DLGAP5: variants seen among roughly 807,000 people sequenced by gnomAD.
The protein encoded by DLGAP5 is disks large-associated protein 5.
A neutral mutation model predicts 99.6 loss-of-function variants in DLGAP5; 90 were observed. The observed-to-expected ratio is 0.90, with a 90% CI of 0.76 to 1.08. DLGAP5 has a LOEUF of 1.08. DLGAP5 is among the 50% of genes least tolerant of loss of function. The pLI, the probability that DLGAP5 is intolerant of heterozygous loss-of-function variation, is 0.00. For missense variants in DLGAP5, 1,036 were observed against 983.5 expected (o/e 1.05, Z -0.71); for synonymous variants, 311 against 321.3 (o/e 0.97, Z 0.34).
At position 55,148,313 on chromosome 14, in the gene DLGAP5, G is replaced by T; in HGVS notation, c.*38C>A. On this transcript the variant is annotated 3_prime_UTR_variant, in exon 19 of 19. Coordinates refer to ENST00000247191, the MANE Select transcript of DLGAP5 (RefSeq NM_014750.5). Reference sequence around the variant, plus strand: ...ATAGTCTAAGGAATATATAAGCATTGATAATATGAAGGAAAATGTTTGGAT... The same window carrying T: ...ATAGTCTAAGGAATATATAAGCATTTATAATATGAAGGAAAATGTTTGGAT... 1 of 1,602,428 alleles carries T rather than the reference G, an allele frequency of 6.2e-7. No homozygotes were observed. The highest frequency in any genetic ancestry group is 1.1e-5 in the South Asian group (1 of 90,210).
At chr14:55,151,625 A>G in intron 17 of DLGAP5, 70 bp downstream of exon 17, 1 of 1,476,356 alleles carries the variant, frequency 6.8e-7, no homozygotes, top group East Asian at 2.3e-5. Flanking sequence ...ACCTTATAGG[A>G]TAATTTATAC....
intron 18 of DLGAP5, among the ~76,000 whole-genome samples, chr14:55,149,064 T>C (rs182989830): frequency 7.9e-5 from 12 of 152,280 alleles, no homozygotes; most frequent in African/African-American, 2.6e-4. Flanking sequence ...GGGTCTAAAA[T>C]AGACATCTAA....
intron 14 of DLGAP5, among the ~76,000 whole-genome samples, chr14:55,155,349 G>T (rs1196284869): frequency 7.9e-4 from 114 of 144,502 alleles, no homozygotes; most frequent in African/African-American, 2.8e-3. Flanking sequence ...CTTTTTTTTT[G>T]TTTTTGTTTT....
chr14:55,179,617 TTTA>T lies in DLGAP5; in HGVS notation c.774+9_774+11del, dbSNP rs1330894080. ...CAAAGCATCTAGAATTAAAAAGATGTTTATTCTCTACCTTGTCGGGTTTTGTTT... is the reference window on the plus strand; with the variant it reads ...CAAAGCATCTAGAATTAAAAAGATGTTTCTCTACCTTGTCGGGTTTTGTTT... On this transcript the variant is annotated intron_variant, in intron 7 of 18. Transcript: ENST00000247191. The T allele has an allele frequency of 6.2e-7, 1 of 1,603,610 alleles. No individual in the cohort carries two copies. The highest frequency in any genetic ancestry group is 2.2e-5 in the East Asian group (1 of 44,694).
rs1881893427 is a variant in DLGAP5, at chr14:55,148,335, G to C, written c.*16C>G. The stretch of plus-strand genomic sequence containing the variant: ...ATTGATAATATGAAGGAAAATGTTT[G>C]GATTTATTTTTAAATTCAAAATTCT... On this transcript the variant is annotated 3_prime_UTR_variant, in exon 19 of 19. Transcript: ENST00000247191. The C allele has an allele frequency of 1.9e-6, 3 of 1,611,022 alleles. No homozygotes were observed. The highest frequency in any genetic ancestry group is 2.5e-6 in the Non-Finnish European group (3 of 1,178,532).
chr14:55,171,467 T>G (rs564428256), intron 10 of DLGAP5, among the ~76,000 whole-genome samples: 1 of 152,332 alleles, frequency 6.6e-6, no homozygotes, highest in South Asian at 2.1e-4. Flanking sequence ...TTTGTGTCTA[T>G]GGAAAAAGTA....
chr14:55,158,683 G>C lies in DLGAP5; in HGVS notation c.1712C>G (p.Ala571Gly). Reference sequence around the variant, plus strand: ...TATGGCAGCTAGGCGATTTCTCGCTGCAATTCTTCCAGCATCATCCTGTTT... The same window carrying C: ...TATGGCAGCTAGGCGATTTCTCGCTCCAATTCTTCCAGCATCATCCTGTTT... ...KPKQDDAGRI[A>G]ARNRLAAIKN... The change falls in exon 14 of 19, where the codon GCA (alanine) becomes GGA (glycine). Residue 571 changes from alanine (A) to glycine (G), a missense_variant. Physicochemically the swap from Ala to Gly is moderately conservative, Grantham distance 60 (BLOSUM62 0). Transcript: ENST00000247191. 6.2e-7 allele frequency: 1 copy of C among 1,613,990 alleles called. No homozygotes were observed. Among genetic ancestry groups the C allele is most frequent in the African/African-American group, 1.3e-5 (1 of 74,998 alleles).
chr14:55,170,561 C>T, intron 11 of DLGAP5, 141 bp downstream of exon 11: 1 of 639,144 alleles, frequency 1.6e-6, no homozygotes, highest in Non-Finnish European at 2.6e-6. Flanking sequence ...TTGTAGACAT[C>T]AAGTTAAAAA....
intron 2 of DLGAP5, among the ~76,000 whole-genome samples, chr14:55,187,992 G>A (rs1293720786): frequency 6.6e-6 from 1 of 151,998 alleles, no homozygotes; most frequent in African/African-American, 2.4e-5. Flanking sequence ...CTTTGCAAAC[G>A]GGAAATAAAG....
At chr14:55,175,322 T>TA (rs759872443) in intron 10 of DLGAP5, 24 bp downstream of exon 10, 4 of 1,594,276 alleles carry the variant, frequency 2.5e-6, no homozygotes, top group East Asian at 4.6e-5. Flanking sequence ...ACAAAATTCT[T>TA]ACACTAGAAA....
intron 7 of DLGAP5, among the ~76,000 whole-genome samples, chr14:55,177,561 G>A (rs1883120536): frequency 6.7e-6 from 1 of 148,858 alleles, no homozygotes; most frequent in Admixed American, 6.7e-5. Context: ...TTTTTGATAC[G>A]GAGTAGCCCT....
At chr14:55,158,260 T>C (rs769759338) in intron 14 of DLGAP5, among the ~76,000 whole-genome samples, 11 of 152,206 alleles carry the variant, frequency 7.2e-5, no homozygotes, top group Non-Finnish European at 1.2e-4. Context: ...GTAATTACAT[T>C]ACAGATGTGA....
chr14:55,161,445 C>T (rs10438127), intron 13 of DLGAP5, among the ~76,000 whole-genome samples: 3,372 of 137,262 alleles, frequency 0.025, 141 homozygotes, highest in African/African-American at 0.088. Context: ...GAGTTTTGCT[C>T]GTTGCCCAGG....
intron 13 of DLGAP5, among the ~76,000 whole-genome samples, chr14:55,162,305 T>C (rs536393251): frequency 1.3e-5 from 2 of 152,264 alleles, no homozygotes; most frequent in South Asian, 4.2e-4. Flanking sequence ...TATAACAAAA[T>C]GTGTAAGTAC....
intron 1 of DLGAP5, among the ~76,000 whole-genome samples, chr14:55,190,484 A>C (rs990654268): frequency 1.4e-4 from 22 of 152,222 alleles, no homozygotes; most frequent in African/African-American, 3.9e-4. Context: ...GCTGGTATAG[A>C]GAACTACCAA....
intron 10 of DLGAP5, among the ~76,000 whole-genome samples, chr14:55,173,165 T>G (rs1174554057): frequency 6.6e-6 from 1 of 150,494 alleles, no homozygotes; most frequent in Non-Finnish European, 1.5e-5. Context: ...CTGGACATAG[T>G]GGCTCATGCC....
rs544630184 is a variant in DLGAP5, at chr14:55,153,414, G to A, written c.2064-767C>T. Among the ~76,000 whole-genome samples the A allele has an allele frequency of 9.2e-5, 14 of 151,806 alleles. No individual in the cohort carries two copies. The East Asian group carries it at 1.4e-3, about 15-fold the overall frequency. On this transcript the variant is annotated intron_variant, in intron 15 of 18. Transcript: ENST00000247191. ...AAATTAGCTGGGCGTGGTGACATGC[G>A]CCTGTAGTCCCAGCTACTTGGGAGG...
Position 55,154,734 on chromosome 14 carries a change from T to C in DLGAP5, c.1946A>G (p.Gln649Arg), listed in dbSNP as rs113515725. ...TGGAATGCCCATCTCATTTCTACTC[T>C]GAGATACAGCTTTGTTGACAGACTT... ...TPKSVNKAVS[Q>R]SRNEMGIPQQ... Residue 649 changes from glutamine (Q) to arginine (R), a missense_variant, in exon 15 of 19, where the codon CAG becomes CGG. Physicochemically the swap from Gln to Arg is conservative, Grantham distance 43. Coordinates refer to ENST00000247191, the MANE Select transcript of DLGAP5 (RefSeq NM_014750.5). 2.1e-5 allele frequency: 34 copies of C among 1,613,718 alleles called. No individual in the cohort carries two copies. Among genetic ancestry groups the C allele is most frequent in the African/African-American group, 1.6e-4 (12 of 74,926 alleles).
intron 4 of DLGAP5, 38 bp from the exon 5 acceptor site, chr14:55,181,335 T>C (rs1191108980): frequency 4.6e-6 from 7 of 1,515,556 alleles, no homozygotes; most frequent in Non-Finnish European, 6.4e-6. Context: ...TTTAATTGCA[T>C]AATGAATCAG....
Sources: gnomAD v4.1 joint callset for allele counts (sites outside exome capture counted in the v4.1 genomes callset) on GRCh38, gnomAD v4.1.1 for gene constraint, MANE v1.5 for transcripts, NCBI Gene and HGNC (gene_info 2026-07-23, HGNC 2026-07-21) for gene names.